OR10G3: variants seen among roughly 807,000 people sequenced by gnomAD.
OR10G3 encodes olfactory receptor family 10 subfamily G member 3, also known as olfactory receptor 10G3.
A neutral mutation model predicts 13.4 loss-of-function variants in OR10G3; 8 were observed. The observed-to-expected ratio is 0.60, with a 90% CI of 0.35 to 1.08. The LOEUF (loss-of-function observed/expected upper bound fraction) is 1.08, where lower values mean the gene tolerates loss of function less well. Ranked by LOEUF, OR10G3 falls within the 50% of genes least tolerant of loss-of-function variation. The probability of loss-of-function intolerance (pLI) is 0.02; values close to 1 mark genes in which losing one functional copy is unlikely to be tolerated. For synonymous variants in OR10G3, 142 were observed against 156.1 expected, an observed-to-expected ratio of 0.91 and a Z score of 0.67; for missense variants, 393 against 386.6, an observed-to-expected ratio of 1.02 and a Z score of -0.14.
intron 1 of OR10G3, among the ~76,000 whole-genome samples, chr14:21,577,983 C>A (rs1383962517): frequency 2.0e-5 from 3 of 151,564 alleles, no homozygotes; most frequent in Admixed American, 2.0e-4. Flanking sequence ...GTCTGGGCAA[C>A]AAGAGCAAAA....
chr14:21,575,346 GC>G (rs1436963038), intron 1 of OR10G3, among the ~76,000 whole-genome samples: 5 of 137,354 alleles, frequency 3.6e-5, no homozygotes, highest in African/African-American at 1.4e-4. Flanking sequence ...CTCCCAAAGT[GC>G]TGGGATTACA....
intron 1 of OR10G3, among the ~76,000 whole-genome samples, chr14:21,572,121 G>C (rs1594489991): frequency 1.3e-5 from 2 of 150,612 alleles, no homozygotes; most frequent in Non-Finnish European, 3.0e-5. Flanking sequence ...GTGAAACCCT[G>C]CCTCTGCTAA....
intron 1 of OR10G3, among the ~76,000 whole-genome samples, chr14:21,574,320 A>AG (rs372004443): frequency 2.0e-5 from 3 of 150,546 alleles, no homozygotes; most frequent in Admixed American, 6.7e-5. Flanking sequence ...AAAAAAAAAA[A>AG]AAAAGAAATT....
intron 1 of OR10G3, among the ~76,000 whole-genome samples, chr14:21,577,917 G>A (rs80353439): frequency 4.1e-4 from 62 of 152,138 alleles, no homozygotes; most frequent in African/African-American, 1.4e-3. Context: ...CAGGAGAATC[G>A]CTGGAACCTG....
chr14:21,575,744 T>G (rs546990013), intron 1 of OR10G3, among the ~76,000 whole-genome samples: 1 of 152,206 alleles, frequency 6.6e-6, no homozygotes, highest in East Asian at 1.9e-4. Context: ...AGAGCTTAGC[T>G]CTCATCATTT....
chr14:21,578,654 T>C (rs1219323783), intron 1 of OR10G3, among the ~76,000 whole-genome samples: 1 of 152,046 alleles, frequency 6.6e-6, no homozygotes, highest in Non-Finnish European at 1.5e-5. Flanking sequence ...ATCTTTCAAA[T>C]GGCCATGAAG....
At chr14:21,573,249 A>G (rs1237266154) in intron 1 of OR10G3, among the ~76,000 whole-genome samples, 1 of 152,216 alleles carries the variant, frequency 6.6e-6, no homozygotes, top group Non-Finnish European at 1.5e-5. Context: ...TGGAAAGACA[A>G]TATTGCATGA....
chr14:21,576,631 TA>T (rs1893131863), intron 1 of OR10G3, among the ~76,000 whole-genome samples: 1 of 152,226 alleles, frequency 6.6e-6, no homozygotes, highest in Non-Finnish European at 1.5e-5. Context: ...AACATTTTTC[TA>T]ACTTTTTAGA....
In OR10G3 at chr14:21,569,745, C is replaced by T. The variant is rs80231832; in HGVS notation, c.*58G>A. ...GAAGAAAAGAAAAAAGTTACCGAAGCCTAAACATTATAATAAATTCTAATT... is the reference window on the plus strand; with the variant it reads ...GAAGAAAAGAAAAAAGTTACCGAAGTCTAAACATTATAATAAATTCTAATT... On this transcript the variant is annotated 3_prime_UTR_variant, in exon 2 of 2. Transcript: ENST00000641040. The T allele has an allele frequency of 0.12, 171,297 of 1,425,702 alleles. 14,060 individuals carry two copies. The highest frequency in any genetic ancestry group is 0.46 in the East Asian group (19,871 of 43,504). The allele number at this position is 1,425,702 out of a possible 1,614,324, so 88.3% of individuals were successfully genotyped here. A position where few individuals can be genotyped will look rare whatever the true frequency, so the allele number is the denominator to read the frequency against.
rs567899092 is a variant in OR10G3 at position 21,570,498 on chromosome 14, T to C, written c.247A>G (p.Met83Val). 6.8e-6 allele frequency: 11 copies of C among 1,614,060 alleles called. No homozygotes were observed. The highest frequency in any genetic ancestry group is 8.5e-6 in the Non-Finnish European group (10 of 1,180,048). Residue 83 changes from methionine to valine, a missense_variant, in exon 2 of 2, where the codon ATG (methionine) becomes GTG (valine). By Grantham distance (21) the Met-to-Val change is conservative. Transcript: ENST00000641040. ...TTGACACCTAAAGTGAAGTTCATCA[T>C]GAGGCGAGGGACAATGATGGAGGAG... is the stretch of plus-strand genomic sequence containing the variant. ...SISSIIVPRL[M>V]MNFTLGVKPI...
intron 1 of OR10G3, among the ~76,000 whole-genome samples, chr14:21,578,034 A>G (rs1217497891): frequency 6.6e-6 from 1 of 152,110 alleles, no homozygotes; most frequent in Non-Finnish European, 1.5e-5. Context: ...AAGGCTTAGT[A>G]GTGTTTTTAT....
chr14:21,572,118 C>G (rs368545087), intron 1 of OR10G3, among the ~76,000 whole-genome samples: 36 of 150,674 alleles, frequency 2.4e-4, no homozygotes, highest in African/African-American at 8.3e-4. Context: ...ATGGTGAAAC[C>G]CTGCCTCTGC....
At chr14:21,579,371 A>G (rs1401250520) in intron 1 of OR10G3, among the ~76,000 whole-genome samples, 1 of 152,130 alleles carries the variant, frequency 6.6e-6, no homozygotes, top group East Asian at 1.9e-4. Flanking sequence ...CAGCCTCCCA[A>G]GTAGCTGGGA....
intron 1 of OR10G3, among the ~76,000 whole-genome samples, chr14:21,579,521 A>G (rs1239878318): frequency 6.6e-6 from 1 of 152,228 alleles, no homozygotes; most frequent in Non-Finnish European, 1.5e-5. Flanking sequence ...CTGGGATTAC[A>G]GGTGTGAGCC....
chr14:21,569,064 A>C lies in OR10G3; in HGVS notation c.*739T>G, dbSNP rs1893033598. The C allele has an allele frequency of 1.3e-5, 2 of 151,578 alleles. No homozygotes were observed. Among genetic ancestry groups the C allele is most frequent in the African/African-American group, 2.4e-5 (1 of 41,366 alleles). The allele number at this position is 151,578 out of a possible 1,614,324, so 9.4% of individuals were successfully genotyped here. On this transcript the variant is annotated 3_prime_UTR_variant, in exon 2 of 2. Coordinates refer to ENST00000641040, the MANE Select transcript of OR10G3 (RefSeq NM_001005465.2). ...TATATATATATTTATATATATATAA[A>C]GGGGAGTTTATTAAGTATTCACTCA...
chr14:21,570,157 G>T lies in OR10G3; in HGVS notation c.588C>A (p.Asn196Lys). ...CAATGTCTACAAACGTCACCAGCTC[G>T]TTGACTGTTGTGTCAGCACAGGCCA... ...LRLACADTTV[N>K]ELVTFVDIGV... Residue 196 changes from asparagine to lysine, a missense_variant, in exon 2 of 2, where the codon AAC (asparagine) becomes AAA (lysine). Physicochemically the swap from Asn to Lys is moderately conservative, Grantham distance 94. Coordinates refer to ENST00000641040, the MANE Select transcript of OR10G3 (RefSeq NM_001005465.2). The T allele has an allele frequency of 6.2e-7, 1 of 1,614,206 alleles. No individual in the cohort carries two copies. Among genetic ancestry groups the T allele is most frequent in the Non-Finnish European group, 8.5e-7 (1 of 1,180,030 alleles).
At chr14:21,575,626 G>A (rs1013537409) in intron 1 of OR10G3, among the ~76,000 whole-genome samples, 4 of 152,042 alleles carry the variant, frequency 2.6e-5, no homozygotes, top group Non-Finnish European at 5.9e-5. Context: ...TGATCTGCTC[G>A]CCTCGGCCTC....
chr14:21,577,779 C>T lies in OR10G3; in HGVS notation c.-18+2007G>A, dbSNP rs184705786. ...ATCCCAGCATTTTGGGAGGCCGAGG[C>T]GGGCAGATCACCTGAGGTCGGGTGA... is the stretch of plus-strand genomic sequence containing the variant. On this transcript the variant is annotated intron_variant, in intron 1 of 1. Transcript: ENST00000641040. Among the ~76,000 whole-genome samples the T allele has an allele frequency of 2.7e-3, 416 of 152,232 alleles. 2 individuals carry two copies. The highest frequency in any genetic ancestry group is 9.4e-3 in the African/African-American group (390 of 41,548).
intron 1 of OR10G3, among the ~76,000 whole-genome samples, chr14:21,577,084 G>A (rs1187539209): frequency 1.3e-5 from 2 of 152,068 alleles, no homozygotes; most frequent in Admixed American, 1.3e-4. Flanking sequence ...CAAGCATAAA[G>A]CTTAGTATTT....
Sources: gnomAD v4.1 joint callset for allele counts (sites outside exome capture counted in the v4.1 genomes callset) on GRCh38, gnomAD v4.1.1 for gene constraint, MANE v1.5 for transcripts, NCBI Gene and HGNC (gene_info 2026-07-23, HGNC 2026-07-21) for gene names.